ZNF469: variants seen among roughly 807,000 people sequenced by gnomAD.
The protein encoded by ZNF469 is zinc finger protein 469.
A neutral mutation model predicts 1.0 loss-of-function variants in ZNF469; 1 was observed. The ratio of observed to expected loss-of-function variants is 1.00; its 90% CI spans 0.35 to 4.73. The LOEUF (loss-of-function observed/expected upper bound fraction) is 4.73, where lower values mean the gene tolerates loss of function less well. ZNF469 is among the 30% of genes most tolerant of loss of function. The pLI is 0.16. For synonymous variants in ZNF469, 2,703 were observed against 2,363.4 expected (o/e 1.14, Z -4.17); for missense variants, 6,100 against 5,356.3 (o/e 1.14, Z -4.33).
At chr16:88,132,486 C>A in the ZNF469 span, among the ~76,000 whole-genome samples, 8 of 152,248 alleles carry the variant, frequency 5.3e-5, no homozygotes, top group African/African-American at 1.9e-4. Context: ...AGAGACTGAG[C>A]CTTTCCCAAC....
In ZNF469 at chr16:88,428,836, C is replaced by G; in HGVS notation, c.1366C>G (p.Leu456Val). The change falls in exon 3 of 3, where the codon CTG (leucine) becomes GTG (valine). Residue 456 changes from leucine (L) to valine (V), a missense_variant. By Grantham distance (32) the Leu-to-Val change is conservative. Transcript: ENST00000565624. Reference protein sequence around the residue: ...APYPTPPGGPLAATRSMFFNG... With the variant: ...APYPTPPGGPVAATRSMFFNG... ...TTACCCCACACCTCCTGGGGGCCCC[C>G]TGGCTGCCACCAGGAGTATGTTCTT... is the stretch of plus-strand genomic sequence containing the variant. 6.5e-7 allele frequency: 1 copy of G among 1,548,278 alleles called. No homozygotes were observed. Among genetic ancestry groups the G allele is most frequent in the South Asian group, 1.2e-5 (1 of 84,040 alleles).
chr16:88,382,883 G>C (rs564500292), upstream of ZNF469, among the ~76,000 whole-genome samples: 128 of 151,686 alleles, frequency 8.4e-4, no homozygotes, highest in Middle Eastern at 6.8e-3. Flanking sequence ...TAGGAAAAGC[G>C]GCGCTAAAAA....
At chr16:88,153,908 G>T in the ZNF469 span, among the ~76,000 whole-genome samples, 3 of 152,210 alleles carry the variant, frequency 2.0e-5, no homozygotes, top group Non-Finnish European at 4.4e-5. Context: ...CGGCCCCAGT[G>T]GATCAGGGCC....
chr16:88,321,160 C>T, the ZNF469 span, among the ~76,000 whole-genome samples: 5 of 152,266 alleles, frequency 3.3e-5, no homozygotes, highest in African/African-American at 1.2e-4. Context: ...CCAGGCTGTC[C>T]TGGGCGAGGC....
chr16:88,307,532 C>T, the ZNF469 span, among the ~76,000 whole-genome samples: 3 of 152,194 alleles, frequency 2.0e-5, no homozygotes, highest in Admixed American at 6.5e-5. Flanking sequence ...TTGGTGACAG[C>T]CAAGCTCCTG....
At chr16:88,347,793 G>A in the ZNF469 span, among the ~76,000 whole-genome samples, 9 of 152,280 alleles carry the variant, frequency 5.9e-5, no homozygotes, top group Admixed American at 2.0e-4. Context: ...CCTGGGCCAC[G>A]CCCAGCACCC....
the ZNF469 span, among the ~76,000 whole-genome samples, chr16:88,229,543 G>A: frequency 1.3e-5 from 2 of 152,082 alleles, no homozygotes; most frequent in Admixed American, 6.5e-5. Flanking sequence ...TGTCACGCGT[G>A]TGGATGTCAC....
At chr16:88,426,978 C>T (rs982856234) in intron 2 of ZNF469, among the ~76,000 whole-genome samples, 1 of 152,120 alleles carries the variant, frequency 6.6e-6, no homozygotes, top group African/African-American at 2.4e-5. Flanking sequence ...AGAGCTTGTG[C>T]CCCACACAGG....
chr16:88,288,208 C>T, the ZNF469 span, among the ~76,000 whole-genome samples: 3 of 152,146 alleles, frequency 2.0e-5, no homozygotes, highest in East Asian at 1.9e-4. Context: ...GAATCTCCTG[C>T]TTCCTAGATC....
chr16:88,359,023 C>A, the ZNF469 span, among the ~76,000 whole-genome samples: 4 of 152,218 alleles, frequency 2.6e-5, no homozygotes, highest in African/African-American at 4.8e-5. Flanking sequence ...TACGGGGACT[C>A]CCCCTAGAAG....
rs1420679441 is a variant in ZNF469 at position 88,430,035 on chromosome 16, G to A, written c.2565G>A (p.Ser855=). The change falls in exon 3 of 3, where the codon TCG becomes TCA. Residue 855 remains serine, a synonymous_variant. Transcript: ENST00000565624. ...TEALNGMEYQ[S]DNPEIDSSFI... ...CGCTCAACGGCATGGAGTACCAGTC[G>A]GACAACCCGGAGATCGACAGCAGCT... 5.2e-6 allele frequency: 8 copies of A among 1,550,388 alleles called. No homozygotes were observed. The Middle Eastern group carries it at 5.0e-4, about 97-fold the overall frequency.
the ZNF469 span, among the ~76,000 whole-genome samples, chr16:88,184,710 C>T: frequency 2.0e-5 from 3 of 151,878 alleles, no homozygotes; most frequent in South Asian, 4.2e-4. Flanking sequence ...GCACGGCCGG[C>T]GTCACGGGCT....
the ZNF469 span, among the ~76,000 whole-genome samples, chr16:88,346,455 T>C: frequency 6.6e-6 from 1 of 151,996 alleles, no homozygotes; most frequent in Admixed American, 6.5e-5. Flanking sequence ...GCAGCTCCCA[T>C]GCCACCTCAA....
chr16:88,331,695 TCAC>T, the ZNF469 span, among the ~76,000 whole-genome samples: 77 of 150,826 alleles, frequency 5.1e-4, no homozygotes, highest in African/African-American at 1.9e-3. Context: ...ATCACCATCA[TCAC>T]CACCATCATC....
rs1238916323 is a variant in ZNF469 at position 88,435,598 on chromosome 16, G to A, written c.8128G>A (p.Asp2710Asn). 6.5e-7 allele frequency: 1 copy of A among 1,550,096 alleles called. No homozygotes were observed. The highest frequency in any genetic ancestry group is 2.0e-5 in the Admixed American group (1 of 51,006). The change falls in exon 3 of 3, where the codon GAC becomes AAC. Residue 2710 changes from aspartate to asparagine, a missense_variant. Coordinates refer to ENST00000565624, the MANE Select transcript of ZNF469 (RefSeq NM_001367624.2). Reference sequence around the variant, plus strand: ...GGTGATGGAGGGTGCAGCGGAGACTGACCAGGAGGCTCTGTGTGCAGGGGA... The same window carrying A: ...GGTGATGGAGGGTGCAGCGGAGACTAACCAGGAGGCTCTGTGTGCAGGGGA... ...PGVMEGAAET[D>N]QEALCAGETG...
chr16:88,102,236 G>C, the ZNF469 span, among the ~76,000 whole-genome samples: 2 of 152,216 alleles, frequency 1.3e-5, no homozygotes, highest in African/African-American at 2.4e-5. Context: ...GCCATGCCAG[G>C]CCAGGCTTGG....
At chr16:88,328,745 G>T in the ZNF469 span, among the ~76,000 whole-genome samples, 1 of 152,200 alleles carries the variant, frequency 6.6e-6, no homozygotes, top group East Asian at 1.9e-4. Context: ...AGAGGGTGCG[G>T]TGTGAGCAAC....
At chr16:88,104,768 T>C in the ZNF469 span, among the ~76,000 whole-genome samples, 2 of 152,262 alleles carry the variant, frequency 1.3e-5, no homozygotes, top group Non-Finnish European at 2.9e-5. Context: ...GTTTTCTGCC[T>C]GTCCCCACAG....
the ZNF469 span, among the ~76,000 whole-genome samples, chr16:88,111,695 G>A: frequency 4.6e-5 from 7 of 152,160 alleles, no homozygotes; most frequent in East Asian, 3.9e-4. Flanking sequence ...GGAGTGCAGT[G>A]GTGCCATCTC....
Sources: gnomAD v4.1 joint callset for allele counts (sites outside exome capture counted in the v4.1 genomes callset) on GRCh38, gnomAD v4.1.1 for gene constraint, MANE v1.5 for transcripts, NCBI Gene and HGNC (gene_info 2026-07-23, HGNC 2026-07-21) for gene names.